The following SIPA1L2 variants were observed in gnomAD, a reference collection of about 807,000 sequenced individuals.
SIPA1L2 encodes the protein signal induced proliferation associated 1 like 2, also known as signal-induced proliferation-associated 1-like protein 2.
A neutral mutation model predicts 163.9 loss-of-function variants in SIPA1L2; 56 were observed. The ratio of observed to expected loss-of-function variants is 0.34; its 90% CI spans 0.28 to 0.43. The LOEUF (loss-of-function observed/expected upper bound fraction) is 0.43. SIPA1L2 is among the 20% of genes least tolerant of loss of function. The pLI, the probability that SIPA1L2 is intolerant of heterozygous loss-of-function variation, is 1.00. For synonymous variants in SIPA1L2, 877 were observed against 865.7 expected (o/e 1.01, Z -0.23); for missense variants, 1,974 against 2,193.5 (o/e 0.90, Z 2.00).
chr1:232,417,939 C>T (rs779886121), intron 18 of SIPA1L2, among the ~76,000 whole-genome samples: 8 of 152,194 alleles, frequency 5.3e-5, no homozygotes, highest in Admixed American at 2.6e-4. Context: ...GTCCTCCCTC[C>T]TTCCCTCACT....
At chr1:232,593,441 T>C (rs188509534) in intron 1 of SIPA1L2, among the ~76,000 whole-genome samples, 1 of 152,266 alleles carries the variant, frequency 6.6e-6, no homozygotes, top group African/African-American at 2.4e-5. Flanking sequence ...AGGATATTAA[T>C]GGGGGCGCTT....
Position 232,585,769 on chromosome 1 carries a change from C to A in SIPA1L2, c.-318-11547G>T, listed in dbSNP as rs112671094. ...CACAGAGAAGAAGCTGCTAAGAGTGCTGATACTGAACATGCAAATCAAAGG... is the reference window on the plus strand; with the variant it reads ...CACAGAGAAGAAGCTGCTAAGAGTGATGATACTGAACATGCAAATCAAAGG... On this transcript the variant is annotated intron_variant, in intron 1 of 22. Coordinates refer to ENST00000674635, the MANE Select transcript of SIPA1L2 (RefSeq NM_020808.5). Among the ~76,000 whole-genome samples, 284 of 152,290 alleles carry A rather than the reference C, an allele frequency of 1.9e-3. 1 individual carries two copies. Among genetic ancestry groups the A allele is most frequent in the African/African-American group, 5.4e-3 (223 of 41,552 alleles).
intron 2 of SIPA1L2, among the ~76,000 whole-genome samples, chr1:232,562,585 G>A (rs1438132011): frequency 6.6e-6 from 1 of 152,206 alleles, no homozygotes; most frequent in Non-Finnish European, 1.5e-5. Context: ...CATTGCAACT[G>A]TTAATAACCT....
rs566578175 is a variant in SIPA1L2, at chr1:232,591,872, A to C, written c.-318-17650T>G. Among the ~76,000 whole-genome samples the C allele has an allele frequency of 6.1e-4, 93 of 152,288 alleles. 1 individual carries two copies. The South Asian group carries it at 0.011, about 18-fold the overall frequency. On this transcript the variant is annotated intron_variant, in intron 1 of 22. Coordinates refer to ENST00000674635, the MANE Select transcript of SIPA1L2 (RefSeq NM_020808.5). ...CCTCACTTCTTATGTTCTAATTTTT[A>C]ATTTACTAGAACTGGCTGAGACTCT...
At chr1:232,518,805 T>A (rs1667325178) in intron 2 of SIPA1L2, among the ~76,000 whole-genome samples, 1 of 152,180 alleles carries the variant, frequency 6.6e-6, no homozygotes, top group Non-Finnish European at 1.5e-5. Flanking sequence ...TCTTCCCCAT[T>A]TTATCTACGG....
In SIPA1L2 at chr1:232,520,430, G is replaced by A. The variant is rs139254479; in HGVS notation, c.-269-4822C>T. Among the ~76,000 whole-genome samples, 403 of 152,252 alleles carry A rather than the reference G, an allele frequency of 2.6e-3. 1 individual carries two copies. The highest frequency in any genetic ancestry group is 0.024 in the Middle Eastern group (7 of 294). On this transcript the variant is annotated intron_variant, in intron 2 of 22. Coordinates refer to ENST00000674635, the MANE Select transcript of SIPA1L2 (RefSeq NM_020808.5). ...AACTGTCTTGGTAATAATTTTAAAG[G>A]GATAGAAAAGAAATGGAGAGCATTT... is the stretch of plus-strand genomic sequence containing the variant.
In SIPA1L2 at chr1:232,471,391, A is replaced by G. The variant is rs377403061; in HGVS notation, c.2223T>C (p.Cys741=). 2.6e-5 allele frequency: 42 copies of G among 1,613,882 alleles called. No homozygotes were observed. The highest frequency in any genetic ancestry group is 3.3e-5 in the Non-Finnish European group (39 of 1,179,942). ...VFVIVKVHNP[C]TENVCYSVGV... is the part of the protein sequence containing the mutation. ...CTCACCTATAACACACATTTTCGGT[A>G]CATGGATTATGCACTTTGACTATGA... Residue 741 remains cysteine (C), a synonymous_variant, in exon 8 of 23, where the codon TGT becomes TGC. Coordinates refer to ENST00000674635, the MANE Select transcript of SIPA1L2 (RefSeq NM_020808.5).
chr1:232,570,715 A>G (rs1427794839), intron 2 of SIPA1L2, among the ~76,000 whole-genome samples: 1 of 152,206 alleles, frequency 6.6e-6, no homozygotes, highest in Non-Finnish European at 1.5e-5. Flanking sequence ...ATATGGATCC[A>G]AATCAAAAGC....
intron 1 of SIPA1L2, among the ~76,000 whole-genome samples, chr1:232,575,677 C>G (rs547901313): frequency 6.6e-6 from 1 of 152,252 alleles, no homozygotes; most frequent in African/African-American, 2.4e-5. Flanking sequence ...TCTGGGCATA[C>G]AGCCAAAAGA....
In SIPA1L2 at chr1:232,479,663, T is replaced by G. The variant is rs1558210091; in HGVS notation, c.2049A>C (p.Ser683=). Residue 683 remains serine, a synonymous_variant, in exon 7 of 23, where the codon TCA becomes TCC. Coordinates refer to ENST00000674635, the MANE Select transcript of SIPA1L2 (RefSeq NM_020808.5). ...YKDYELMFHV[S]TLLPYMPNNR... ...TGTTGGGCATGTAGGGAAGCAGGGTTGACACGTGGAACATGAGTTCGTAGT... is the reference window on the plus strand; with the variant it reads ...TGTTGGGCATGTAGGGAAGCAGGGTGGACACGTGGAACATGAGTTCGTAGT... 1 of 1,613,812 alleles carries G rather than the reference T, an allele frequency of 6.2e-7. No individual in the cohort carries two copies. The highest frequency in any genetic ancestry group is 8.5e-7 in the Non-Finnish European group (1 of 1,179,790).
rs1660408849 is a variant in SIPA1L2, at chr1:232,402,534, C to G, written c.4941-61G>C. ...GAGTCAATCGAGCATTTTTGTTGGTCAAGTTTTCACTCGAAAAAATTATTT... is the reference window on the plus strand; with the variant it reads ...GAGTCAATCGAGCATTTTTGTTGGTGAAGTTTTCACTCGAAAAAATTATTT... On this transcript the variant is annotated intron_variant, in intron 21 of 22. Transcript: ENST00000674635. 8 of 1,445,994 alleles carry G rather than the reference C, an allele frequency of 5.5e-6. No individual in the cohort carries two copies. In the South Asian group the frequency reaches 9.7e-5, roughly 18 times the overall value. 89.6% of individuals were successfully genotyped at this position (1,445,994 alleles called of 1,614,324 possible). A position where few individuals can be genotyped will look rare whatever the true frequency, so the allele number is the denominator to read the frequency against.
intron 10 of SIPA1L2, among the ~76,000 whole-genome samples, chr1:232,458,451 C>T (rs1200934127): frequency 6.6e-6 from 1 of 152,140 alleles, no homozygotes; most frequent in Non-Finnish European, 1.5e-5. Flanking sequence ...AATTGTATTT[C>T]TAAATACCAA....
chr1:232,423,809 A>C (rs1661717577), intron 18 of SIPA1L2, among the ~76,000 whole-genome samples: 1 of 152,238 alleles, frequency 6.6e-6, no homozygotes, highest in Admixed American at 6.5e-5. Context: ...CTGTAAAAAG[A>C]AATGAGCTAT....
chr1:232,406,553 C>T (rs889416829), intron 19 of SIPA1L2, among the ~76,000 whole-genome samples: 3 of 152,226 alleles, frequency 2.0e-5, no homozygotes, highest in African/African-American at 7.2e-5. Flanking sequence ...CCCATGACCC[C>T]GTCTAGGATG....
chr1:232,446,218 T>G (rs1180867526), intron 10 of SIPA1L2, among the ~76,000 whole-genome samples: 2 of 152,168 alleles, frequency 1.3e-5, no homozygotes, highest in Admixed American at 6.5e-5. Context: ...GGTTAAATAT[T>G]TTAAATATAT....
chr1:232,497,921 CCT>C (rs1160508647), intron 3 of SIPA1L2, among the ~76,000 whole-genome samples: 2 of 152,208 alleles, frequency 1.3e-5, no homozygotes, highest in South Asian at 2.1e-4. Flanking sequence ...TCACAAATCC[CCT>C]GACTCACAAA....
intron 1 of SIPA1L2, among the ~76,000 whole-genome samples, chr1:232,622,641 A>G (rs1662875711): frequency 6.6e-6 from 1 of 152,216 alleles, no homozygotes; most frequent in African/African-American, 2.4e-5. Flanking sequence ...CCAGGCTCCC[A>G]GGAACCACAC....
chr1:232,520,952 G>A (rs562697349), intron 2 of SIPA1L2, among the ~76,000 whole-genome samples: 49 of 152,068 alleles, frequency 3.2e-4, no homozygotes, highest in Non-Finnish European at 6.6e-4. Flanking sequence ...AGTAGAATAC[G>A]AAAATCAAAG....
rs550903023 is a variant in SIPA1L2 at position 232,589,364 on chromosome 1, T to C, written c.-318-15142A>G. 2.6e-5 allele frequency among the ~76,000 whole-genome samples: 4 copies of C among 152,360 alleles called. No individual in the cohort carries two copies. The South Asian group carries it at 8.3e-4, about 32-fold the overall frequency. On this transcript the variant is annotated intron_variant, in intron 1 of 22. Transcript: ENST00000674635. ...ATGTAAATTCACCCAGTTAGCTCAC[T>C]GGTACTTGTATACTCTCCCAAATCC...
Sources: allele counts gnomAD v4.1 joint callset (sites outside exome capture counted in the v4.1 genomes callset), GRCh38; gene constraint gnomAD v4.1.1; transcripts MANE v1.5; gene names NCBI Gene and HGNC (gene_info 2026-07-23, HGNC 2026-07-21).